Variants in ZC3H12B observed in about 807,000 individuals in gnomAD.
ZC3H12B encodes the protein zinc finger CCCH-type containing 12B.
Under a neutral mutation model 43.9 loss-of-function variants are expected in ZC3H12B, and 7 were observed. The ratio of observed to expected loss-of-function variants is 0.16; its 90% confidence interval spans 0.09 to 0.30. The LOEUF (loss-of-function observed/expected upper bound fraction) is 0.30. Among genes scored for constraint, ZC3H12B ranks in the 10% least tolerant of loss-of-function variants. The pLI is 1.00. For missense variants in ZC3H12B, 475 were observed against 670.2 expected (o/e 0.71, Z 3.22); for synonymous variants, 222 against 241.7 (o/e 0.92, Z 0.76).
intron 2 of ZC3H12B, among the ~76,000 whole-genome samples, chrX:65,375,833 A>T (rs73516250): frequency 0.082 from 9,188 of 111,490 alleles, 1,026 homozygotes; most frequent in African/African-American, 0.29. Context: ...AGACTGGGAC[A>T]TGCTGGCTTC....
chrX:65,133,171 TGGA>T, the ZC3H12B span, among the ~76,000 whole-genome samples: 3 of 111,443 alleles, frequency 2.7e-5, no homozygotes, highest in Non-Finnish European at 5.7e-5. Flanking sequence ...TCTTGTGTGC[TGGA>T]GATGTGGCTG....
the ZC3H12B span, among the ~76,000 whole-genome samples, chrX:65,192,826 G>A: frequency 0.049 from 5,415 of 109,661 alleles, 352 homozygotes; most frequent in African/African-American, 0.18. Context: ...ATGGAGTCTC[G>A]CTCTATTGCT....
the ZC3H12B span, among the ~76,000 whole-genome samples, chrX:65,072,672 G>A: frequency 8.9e-6 from 1 of 112,070 alleles, no homozygotes. Flanking sequence ...CTGATGGGTG[G>A]TGGCAGCCAG....
chrX:65,269,700 A>C, the ZC3H12B span, among the ~76,000 whole-genome samples: 1 of 109,030 alleles, frequency 9.2e-6, no homozygotes, highest in African/African-American at 3.3e-5. Context: ...AGGTTTTGCT[A>C]TGTTGCCCAG....
the ZC3H12B span, among the ~76,000 whole-genome samples, chrX:65,283,154 C>T: frequency 1.8e-5 from 2 of 110,816 alleles, no homozygotes; most frequent in Non-Finnish European, 3.8e-5. Context: ...CCCTGGGATG[C>T]GAGGCTGGTT....
the ZC3H12B span, among the ~76,000 whole-genome samples, chrX:65,062,441 G>A: frequency 1.8e-5 from 2 of 111,692 alleles, no homozygotes; most frequent in South Asian, 3.7e-4. Context: ...GCTTGTTTTT[G>A]TCAGGTTGGT....
the ZC3H12B span, among the ~76,000 whole-genome samples, chrX:65,357,963 A>T: frequency 2.4e-4 from 26 of 110,430 alleles, no homozygotes; most frequent in Non-Finnish European, 4.0e-4. Context: ...ATGTGCAAAG[A>T]CACACATAGG....
chrX:65,355,162 A>G, the ZC3H12B span, among the ~76,000 whole-genome samples: 20 of 111,344 alleles, frequency 1.8e-4, no homozygotes, highest in African/African-American at 6.5e-4. Flanking sequence ...CATGATCGTC[A>G]GATTCACCAA....
the ZC3H12B span, among the ~76,000 whole-genome samples, chrX:65,283,085 G>T: frequency 1.8e-5 from 2 of 111,340 alleles, no homozygotes; most frequent in South Asian, 3.8e-4. Flanking sequence ...TAAAATTCTC[G>T]CAAACCGAAT....
At chrX:65,147,111 G>A in the ZC3H12B span, among the ~76,000 whole-genome samples, 4 of 112,075 alleles carry the variant, frequency 3.6e-5, no homozygotes, top group Admixed American at 2.8e-4. Context: ...TATGGAATTT[G>A]AGTTTTATAC....
At chrX:65,344,984 A>G in the ZC3H12B span, among the ~76,000 whole-genome samples, 4 of 112,449 alleles carry the variant, frequency 3.6e-5, no homozygotes, top group Non-Finnish European at 1.9e-5. Flanking sequence ...GAGAATGCAA[A>G]TCAAAACCAC....
chrX:65,172,051 G>T, the ZC3H12B span, among the ~76,000 whole-genome samples: 1 of 112,560 alleles, frequency 8.9e-6, no homozygotes, highest in Non-Finnish European at 1.9e-5. Flanking sequence ...AAGCCCCAGT[G>T]AGATGAACCC....
chrX:65,229,154 C>A, the ZC3H12B span, among the ~76,000 whole-genome samples: 1 of 110,672 alleles, frequency 9.0e-6, no homozygotes. Context: ...CTACAGTAAC[C>A]AAAACAGCAT....
chrX:65,345,527 C>T, the ZC3H12B span, among the ~76,000 whole-genome samples: 6 of 111,036 alleles, frequency 5.4e-5, no homozygotes, highest in South Asian at 7.6e-4. Flanking sequence ...AAACAACAGA[C>T]AGTAAGGCCT....
the ZC3H12B span, among the ~76,000 whole-genome samples, chrX:65,034,954 G>T: frequency 8.9e-6 from 1 of 112,626 alleles, no homozygotes; most frequent in African/African-American, 3.2e-5. Context: ...TCGCTGAGGG[G>T]ACTGGTAACG....
At chrX:65,354,465 A>G in the ZC3H12B span, among the ~76,000 whole-genome samples, 1 of 111,920 alleles carries the variant, frequency 8.9e-6, no homozygotes, top group Admixed American at 9.5e-5. Context: ...GTTCACCAAC[A>G]TCAAAGACCA....
chrX:65,408,431 G>A, intron 3 of ZC3H12B: 1 of 1,209,410 alleles, frequency 8.3e-7, no homozygotes, highest in Non-Finnish European at 1.1e-6. Flanking sequence ...GGTGACCATG[G>A]CAGAGTTGAA....
chrX:65,481,234 CAGA>C (rs1402331241), intron 3 of ZC3H12B, among the ~76,000 whole-genome samples: 1 of 111,777 alleles, frequency 8.9e-6, no homozygotes, highest in African/African-American at 3.3e-5. Context: ...TTACCTCAGA[CAGA>C]AGAATTACTT....
chrX:65,119,549 C>T, the ZC3H12B span, among the ~76,000 whole-genome samples: 1 of 111,494 alleles, frequency 9.0e-6, no homozygotes, highest in South Asian at 3.8e-4. Context: ...GATATTAGCC[C>T]TTTGTCAGAT....
Sources: gnomAD v4.1 joint callset for allele counts (sites outside exome capture counted in the v4.1 genomes callset) on GRCh38, gnomAD v4.1.1 for gene constraint, MANE v1.5 for transcripts, NCBI Gene and HGNC (gene_info 2026-07-23, HGNC 2026-07-21) for gene names.